CCSER1: variants seen among roughly 807,000 people sequenced by gnomAD.
CCSER1 encodes the protein coiled-coil serine rich protein 1, also known as serine-rich coiled-coil domain-containing protein 1.
A neutral mutation model predicts 82.0 loss-of-function variants in CCSER1; 41 were observed. The ratio of observed to expected loss-of-function variants is 0.50; its 90% CI spans 0.39 to 0.65. The LOEUF (loss-of-function observed/expected upper bound fraction) is 0.65, where lower values mean the gene tolerates loss of function less well. Ranked by LOEUF, CCSER1 falls within the 30% of genes least tolerant of loss-of-function variation. The pLI, the probability that CCSER1 is intolerant of heterozygous loss-of-function variation, is 0.00. For missense variants in CCSER1, 1,119 were observed against 1,064.2 expected, an observed-to-expected ratio of 1.05 and a Z score of -0.72; for synonymous variants, 414 against 383.9, an observed-to-expected ratio of 1.08 and a Z score of -0.92.
chr4:90,753,383 G>A (rs2149491235), intron 7 of CCSER1, among the ~76,000 whole-genome samples: 1 of 152,158 alleles, frequency 6.6e-6, no homozygotes, highest in South Asian at 2.1e-4. Context: ...TAAATTTTAT[G>A]TCAAAGAGGC....
At chr4:91,124,614 G>A (rs1237438885) in intron 10 of CCSER1, among the ~76,000 whole-genome samples, 1 of 151,616 alleles carries the variant, frequency 6.6e-6, no homozygotes, top group African/African-American at 2.4e-5. Context: ...ATATATGAAT[G>A]TACCTGTTTT....
intron 3 of CCSER1, among the ~76,000 whole-genome samples, chr4:90,343,451 T>C (rs1741782326): frequency 6.6e-6 from 1 of 152,082 alleles, no homozygotes; most frequent in Non-Finnish European, 1.5e-5. Flanking sequence ...ACCCCGTCTC[T>C]ACTGAAAATA....
chr4:90,499,975 A>C (rs1423416702), intron 5 of CCSER1, among the ~76,000 whole-genome samples: 1 of 152,218 alleles, frequency 6.6e-6, no homozygotes, highest in Non-Finnish European at 1.5e-5. Context: ...TTGCAATTTT[A>C]TACACTACAT....
At chr4:90,245,638 T>C (rs1290730192) in intron 1 of CCSER1, among the ~76,000 whole-genome samples, 1 of 152,108 alleles carries the variant, frequency 6.6e-6, no homozygotes, top group African/African-American at 2.4e-5. Context: ...TCCAAATGGG[T>C]ACATGGATCT....
chr4:90,483,413 T>G (rs1293338274), intron 5 of CCSER1, among the ~76,000 whole-genome samples: 2 of 152,224 alleles, frequency 1.3e-5, no homozygotes, highest in East Asian at 1.9e-4. Context: ...GATCCTGTCA[T>G]TATGATGTTA....
intron 3 of CCSER1, among the ~76,000 whole-genome samples, chr4:90,398,031 G>A (rs1752277319): frequency 6.6e-6 from 1 of 152,176 alleles, no homozygotes; most frequent in African/African-American, 2.4e-5. Flanking sequence ...AGTTCTGGAA[G>A]CTGGAAGTCC....
intron 5 of CCSER1, among the ~76,000 whole-genome samples, chr4:90,500,703 A>T (rs530033280): frequency 6.6e-6 from 1 of 152,222 alleles, no homozygotes; most frequent in Non-Finnish European, 1.5e-5. Context: ...TTGGAAGAGA[A>T]GCAGCCAAGA....
chr4:90,392,452 T>C (rs1415735191), intron 3 of CCSER1, among the ~76,000 whole-genome samples: 1 of 152,074 alleles, frequency 6.6e-6, no homozygotes, highest in Non-Finnish European at 1.5e-5. Flanking sequence ...AAAATTAATA[T>C]TGTAATTTAC....
rs1560592257 is a variant in CCSER1, at chr4:91,328,846, A to AGTTGAATCATG, written c.2217+242853_2217+242854insTTGAATCATGG. On this transcript the variant is annotated intron_variant, in intron 10 of 10. Transcript: ENST00000509176. Reference sequence around the variant, plus strand: ...CCACATGTCAAGGATGGGACCACGTAGAGATAGTTGAATCATGGTAGCAGT... The same window carrying AGTTGAATCATG: ...CCACATGTCAAGGATGGGACCACGTAGTTGAATCATGGAGATAGTTGAATCATGGTAGCAGT... Among the ~76,000 whole-genome samples, 8 of 151,584 alleles carry AGTTGAATCATG rather than the reference A, an allele frequency of 5.3e-5. No individual in the cohort carries two copies. The South Asian group carries it at 1.5e-3, about 28-fold the overall frequency.
At chr4:91,506,714 C>T (rs1470696889) in intron 10 of CCSER1, among the ~76,000 whole-genome samples, 1 of 152,050 alleles carries the variant, frequency 6.6e-6, no homozygotes, top group African/African-American at 2.4e-5. Context: ...TTTAAAATTA[C>T]AATTAAGTTG....
chr4:91,129,054 A>G (rs1727764714), intron 10 of CCSER1, among the ~76,000 whole-genome samples: 1 of 152,032 alleles, frequency 6.6e-6, no homozygotes, highest in South Asian at 2.1e-4. Context: ...ATTTCTCTGC[A>G]TTTGTTTCTC....
intron 6 of CCSER1, among the ~76,000 whole-genome samples, chr4:90,672,666 G>T (rs1733015746): frequency 6.6e-6 from 1 of 151,924 alleles, no homozygotes. Flanking sequence ...CTAGCTTTTG[G>T]CTTGTCTCAG....
chr4:90,549,168 G>C (rs746101215), intron 5 of CCSER1, among the ~76,000 whole-genome samples: 12 of 152,124 alleles, frequency 7.9e-5, no homozygotes, highest in Admixed American at 2.6e-4. Flanking sequence ...TTTCTGTAAT[G>C]CTTCATTTAA....
chr4:91,188,564 A>G (rs1021257002), intron 10 of CCSER1, among the ~76,000 whole-genome samples: 22 of 152,198 alleles, frequency 1.4e-4, no homozygotes, highest in African/African-American at 5.3e-4. Flanking sequence ...TGTGCTTTTC[A>G]TAATTAGTGA....
intron 5 of CCSER1, among the ~76,000 whole-genome samples, chr4:90,513,666 G>C (rs60864973): frequency 6.6e-6 from 1 of 152,096 alleles, no homozygotes; most frequent in African/African-American, 2.4e-5. Flanking sequence ...AATGAAGAGT[G>C]TATGACTATG....
intron 10 of CCSER1, among the ~76,000 whole-genome samples, chr4:91,464,552 C>T (rs1259918915): frequency 1.3e-5 from 2 of 152,156 alleles, no homozygotes; most frequent in Non-Finnish European, 2.9e-5. Flanking sequence ...AAAAGACACA[C>T]ACTGGCAAAT....
intron 8 of CCSER1, among the ~76,000 whole-genome samples, chr4:90,897,732 A>G (rs1250522891): frequency 6.6e-6 from 1 of 152,060 alleles, no homozygotes; most frequent in Non-Finnish European, 1.5e-5. Flanking sequence ...ACTAATTTAC[A>G]TTGTCCATGA....
At chr4:90,938,632 T>C in intron 9 of CCSER1, 1 of 346,374 alleles carries the variant, frequency 2.9e-6, no homozygotes, top group Non-Finnish European at 5.8e-6. Context: ...TTTCATTTTA[T>C]TTTATTGATT....
intron 7 of CCSER1, among the ~76,000 whole-genome samples, chr4:90,736,760 T>G (rs1005493131): frequency 1.3e-5 from 2 of 152,032 alleles, no homozygotes; most frequent in African/African-American, 4.8e-5. Flanking sequence ...TTTCTGGTTG[T>G]TTTTTCCTTC....
Sources: gnomAD v4.1 joint callset for allele counts (sites outside exome capture counted in the v4.1 genomes callset) on GRCh38, gnomAD v4.1.1 for gene constraint, MANE v1.5 for transcripts, NCBI Gene and HGNC (gene_info 2026-07-23, HGNC 2026-07-21) for gene names.